LRBA: variants seen among roughly 807,000 people sequenced by gnomAD.
LRBA encodes the protein lipopolysaccharide-responsive and beige-like anchor protein.
LRBA carries 176 observed loss-of-function variants against 330.0 expected under a neutral mutation model. The ratio of observed to expected loss-of-function variants is 0.53; its 90% confidence interval spans 0.47 to 0.60. The LOEUF is 0.60. Ranked by LOEUF, LRBA falls within the 20% of genes least tolerant of loss-of-function variation. The pLI, the probability that LRBA is intolerant of heterozygous loss-of-function variation, is 0.00. For synonymous variants in LRBA, 1,230 were observed against 1,193.0 expected (o/e 1.03, Z -0.64); for missense variants, 3,259 against 3,444.8 (o/e 0.95, Z 1.35).
intron 36 of LRBA, among the ~76,000 whole-genome samples, chr4:150,733,118 A>C (rs767567099): frequency 2.0e-5 from 3 of 152,116 alleles, no homozygotes; most frequent in Non-Finnish European, 4.4e-5. Flanking sequence ...GGAGTGCTTT[A>C]CTAATGGATA....
intron 35 of LRBA, among the ~76,000 whole-genome samples, chr4:150,748,281 C>G (rs1203109634): frequency 1.3e-5 from 2 of 152,208 alleles, no homozygotes; most frequent in Non-Finnish European, 2.9e-5. Flanking sequence ...GACTTATCTG[C>G]TTTCATTCTT....
intron 37 of LRBA, among the ~76,000 whole-genome samples, chr4:150,665,661 T>C (rs1351070028): frequency 2.0e-5 from 3 of 152,226 alleles, no homozygotes; most frequent in Admixed American, 6.5e-5. Context: ...CATAGCCTTT[T>C]GAGTCTGGCT....
chr4:150,910,211 C>T (rs1269719524), intron 9 of LRBA, among the ~76,000 whole-genome samples: 2 of 152,122 alleles, frequency 1.3e-5, no homozygotes, highest in Non-Finnish European at 2.9e-5. Flanking sequence ...TTCGGTATCA[C>T]AGTCAAGAAA....
At chr4:150,487,632 C>A in intron 42 of LRBA, 100 bp downstream of exon 42, 4 of 559,414 alleles carry the variant, frequency 7.2e-6, no homozygotes, top group Middle Eastern at 4.6e-4. Context: ...TAAGTGAGAA[C>A]ATTAATACAG....
At chr4:150,682,637 T>C (rs1029951257) in intron 37 of LRBA, among the ~76,000 whole-genome samples, 4 of 152,140 alleles carry the variant, frequency 2.6e-5, no homozygotes, top group South Asian at 2.1e-4. Context: ...TTTTTCTTTA[T>C]ACTGGAAAAT....
intron 37 of LRBA, among the ~76,000 whole-genome samples, chr4:150,681,520 T>C (rs1783057212): frequency 1.3e-5 from 2 of 152,148 alleles, no homozygotes; most frequent in Admixed American, 1.3e-4. Context: ...AAGTAACAGT[T>C]GAATATGATA....
At chr4:150,739,411 T>C (rs955070298) in intron 35 of LRBA, among the ~76,000 whole-genome samples, 1 of 152,180 alleles carries the variant, frequency 6.6e-6, no homozygotes, top group Admixed American at 6.5e-5. Flanking sequence ...TTTCAAATGA[T>C]GGAATCATAC....
chr4:150,952,622 C>T (rs1006886842), intron 2 of LRBA, among the ~76,000 whole-genome samples: 1 of 151,832 alleles, frequency 6.6e-6, no homozygotes, highest in Non-Finnish European at 1.5e-5. Flanking sequence ...TCTATAAGGC[C>T]GTCTGTTTCT....
In LRBA at chr4:150,487,826, T is replaced by A. The variant is rs761277052; in HGVS notation, c.6457A>T (p.Met2153Leu). 1.3e-6 allele frequency: 2 copies of A among 1,569,778 alleles called. No homozygotes were observed. The highest frequency in any genetic ancestry group is 2.7e-5 in the African/African-American group (2 of 74,266). The change falls in exon 42 of 57, where the codon ATG (methionine) becomes TTG (leucine). Residue 2153 changes from methionine to leucine, a missense_variant. By Grantham distance (15) the Met-to-Leu change is conservative. Transcript: ENST00000651943. ...GTTGCAGGGTCTGGGAAGTTGAACA[T>A]CACAGCAACTACAACAGATGATTTT... is the stretch of plus-strand genomic sequence containing the variant. ...EIFMANRVAV[M>L]FNFPDPATVK...
chr4:150,424,583 C>T (rs1233576707), intron 46 of LRBA, among the ~76,000 whole-genome samples: 1 of 152,224 alleles, frequency 6.6e-6, no homozygotes, highest in South Asian at 2.1e-4. Flanking sequence ...GGACAGGACA[C>T]CAGGTGCCAT....
chr4:150,931,585 C>T lies in LRBA; in HGVS notation c.217-2520G>A, dbSNP rs144713209. On this transcript the variant is annotated intron_variant, in intron 2 of 56. Coordinates refer to ENST00000651943, the MANE Select transcript of LRBA (RefSeq NM_001364905.1). The stretch of plus-strand genomic sequence containing the variant: ...AGACCAGTCTGGCAACACAGCCAGA[C>T]TCTGTCTCCATATTCAAAAAAAAAA... Among the ~76,000 whole-genome samples, 844 of 147,236 alleles carry T rather than the reference C, an allele frequency of 5.7e-3. 7 individuals are homozygous for T. The highest frequency in any genetic ancestry group is 0.02 in the African/African-American group (803 of 39,578).
At chr4:150,622,006 G>A (rs1581838784) in intron 37 of LRBA, among the ~76,000 whole-genome samples, 1 of 152,294 alleles carries the variant, frequency 6.6e-6, no homozygotes, top group African/African-American at 2.4e-5. Context: ...TAGAGATGAA[G>A]AAGTAAGGGT....
chr4:150,981,863 T>C (rs965526856), intron 2 of LRBA, among the ~76,000 whole-genome samples: 1 of 150,046 alleles, frequency 6.7e-6, no homozygotes, highest in African/African-American at 2.5e-5. Context: ...CTTGGGAGGC[T>C]GAGGCAGGAG....
At chr4:150,327,863 T>C (rs921444266) in intron 48 of LRBA, among the ~76,000 whole-genome samples, 1 of 152,098 alleles carries the variant, frequency 6.6e-6, no homozygotes, top group Non-Finnish European at 1.5e-5. Context: ...GGAGTTTATG[T>C]AGGAAGAGAA....
intron 2 of LRBA, among the ~76,000 whole-genome samples, chr4:150,939,170 T>C (rs1475921593): frequency 6.6e-6 from 1 of 152,212 alleles, no homozygotes. Context: ...CATTACAGGT[T>C]GAATTGTGTT....
At chr4:150,571,897 T>A (rs896739412) in intron 40 of LRBA, among the ~76,000 whole-genome samples, 2 of 151,856 alleles carry the variant, frequency 1.3e-5, no homozygotes, top group Non-Finnish European at 2.9e-5. Context: ...AAGCATGTGA[T>A]AGTTTGCAAG....
intron 28 of LRBA, among the ~76,000 whole-genome samples, chr4:150,843,101 G>C (rs781734277): frequency 2.4e-4 from 36 of 152,152 alleles, no homozygotes; most frequent in Non-Finnish European, 5.0e-4. Flanking sequence ...CTCACCCTTT[G>C]CTCACCTCAC....
intron 37 of LRBA, among the ~76,000 whole-genome samples, chr4:150,633,940 C>T (rs1156321499): frequency 6.6e-6 from 1 of 152,124 alleles, no homozygotes; most frequent in Admixed American, 6.5e-5. Context: ...CATAGTGAAA[C>T]CCCATCTCTA....
At chr4:150,412,923 T>TA (rs1413726162) in intron 47 of LRBA, among the ~76,000 whole-genome samples, 3 of 151,250 alleles carry the variant, frequency 2.0e-5, no homozygotes, top group East Asian at 1.9e-4. Flanking sequence ...CATTAAAAAA[T>TA]AAAAAAAGGC....
Sources: gnomAD v4.1 joint callset for allele counts (sites outside exome capture counted in the v4.1 genomes callset) on GRCh38, gnomAD v4.1.1 for gene constraint, MANE v1.5 for transcripts, NCBI Gene and HGNC (gene_info 2026-07-23, HGNC 2026-07-21) for gene names.